TSGA10: variants seen among roughly 807,000 people sequenced by gnomAD.
TSGA10 encodes testis-specific gene 10 protein.
Under a neutral mutation model 96.6 loss-of-function variants are expected in TSGA10, and 43 were observed. That is an observed-to-expected ratio of 0.44 (90% confidence interval 0.35 to 0.57). The LOEUF (loss-of-function observed/expected upper bound fraction) is 0.57, where lower values mean the gene tolerates loss of function less well. TSGA10 is among the 20% of genes least tolerant of loss of function. TSGA10 has a pLI of 0.01. For missense variants in TSGA10, 703 were observed against 834.4 expected (o/e 0.84, Z 1.94); for synonymous variants, 229 against 269.9 (o/e 0.85, Z 1.48).
At chr2:99,111,659 T>C (rs1403666179) in intron 4 of TSGA10, among the ~76,000 whole-genome samples, 1 of 152,172 alleles carries the variant, frequency 6.6e-6, no homozygotes, top group Non-Finnish European at 1.5e-5. Flanking sequence ...TTTAAGTTTA[T>C]GAAATATTAA....
chr2:99,134,571 C>T (rs2105052916), intron 1 of TSGA10, among the ~76,000 whole-genome samples: 1 of 152,236 alleles, frequency 6.6e-6, no homozygotes, highest in Non-Finnish European at 1.5e-5. Context: ...CTTCTGAAGC[C>T]TACTTCTGTC....
intron 10 of TSGA10, among the ~76,000 whole-genome samples, chr2:99,085,420 C>T (rs1279040843): frequency 1.3e-5 from 2 of 151,552 alleles, no homozygotes; most frequent in Admixed American, 1.3e-4. Context: ...GCCTGGGCAA[C>T]ATAGGAAGAC....
At chr2:99,146,101 G>A (rs1484285779) in intron 1 of TSGA10, among the ~76,000 whole-genome samples, 1 of 152,186 alleles carries the variant, frequency 6.6e-6, no homozygotes, top group Non-Finnish European at 1.5e-5. Flanking sequence ...TGGCCAACAT[G>A]GCGAAACATC....
At chr2:99,022,691 T>C (rs1481421918) in intron 17 of TSGA10, among the ~76,000 whole-genome samples, 1 of 152,234 alleles carries the variant, frequency 6.6e-6, no homozygotes, top group Non-Finnish European at 1.5e-5. Context: ...TTTTCATTCC[T>C]CTTGAATAGA....
chr2:99,134,122 T>TGTTGGCCTGCCTTGCTTG (rs1559122631), intron 1 of TSGA10, among the ~76,000 whole-genome samples: 2 of 152,176 alleles, frequency 1.3e-5, no homozygotes, highest in African/African-American at 4.8e-5. Context: ...TGAATTGGAA[T>TGTTGGCCTGCCTTGCTTG]GTTGGCCTGC....
At chr2:99,141,241 G>T in intron 1 of TSGA10, 1 of 951,962 alleles carries the variant, frequency 1.1e-6, no homozygotes, top group Non-Finnish European at 1.3e-6. Flanking sequence ...AATCGTCCTG[G>T]CCCCGCCCCG....
chr2:99,087,235 G>A (rs151043716), intron 10 of TSGA10, among the ~76,000 whole-genome samples: 13 of 151,396 alleles, frequency 8.6e-5, no homozygotes, highest in South Asian at 8.4e-4. Flanking sequence ...GGCCAGGCAC[G>A]GTAGCTAATG....
intron 16 of TSGA10, among the ~76,000 whole-genome samples, chr2:99,047,942 G>T (rs1167726483): frequency 6.6e-6 from 1 of 152,026 alleles, no homozygotes; most frequent in Non-Finnish European, 1.5e-5. Flanking sequence ...CAAACTGAGG[G>T]CTAAATCATG....
intron 12 of TSGA10, among the ~76,000 whole-genome samples, chr2:99,073,710 G>A (rs2086254030): frequency 6.6e-6 from 1 of 152,096 alleles, no homozygotes; most frequent in Admixed American, 6.6e-5. Flanking sequence ...GGCGTGATGA[G>A]GGAGTAGAAG....
intron 1 of TSGA10, among the ~76,000 whole-genome samples, chr2:99,145,212 C>T (rs2093619908): frequency 6.6e-6 from 1 of 152,114 alleles, no homozygotes; most frequent in Non-Finnish European, 1.5e-5. Context: ...CAGTCAAGTC[C>T]TCCTCACATT....
intron 16 of TSGA10, among the ~76,000 whole-genome samples, chr2:99,047,051 T>C (rs2082854821): frequency 6.6e-6 from 1 of 152,050 alleles, no homozygotes; most frequent in Non-Finnish European, 1.5e-5. Flanking sequence ...AATAGACAAA[T>C]AACAGGCTCT....
At chr2:99,089,983 A>G (rs1171395430) in intron 10 of TSGA10, among the ~76,000 whole-genome samples, 1 of 152,104 alleles carries the variant, frequency 6.6e-6, no homozygotes, top group Non-Finnish European at 1.5e-5. Context: ...CAACAATAAT[A>G]CAACCAAGGA....
chr2:99,149,433 C>T (rs1264853815), intron 1 of TSGA10, among the ~76,000 whole-genome samples: 1 of 146,590 alleles, frequency 6.8e-6, no homozygotes, highest in Non-Finnish European at 1.5e-5. Flanking sequence ...CTCCATGCTA[C>T]ATGATCATCT....
intron 16 of TSGA10, among the ~76,000 whole-genome samples, chr2:99,056,239 C>A (rs1007395985): frequency 6.6e-6 from 1 of 151,634 alleles, no homozygotes; most frequent in Non-Finnish European, 1.5e-5. Flanking sequence ...GTCAACACAA[C>A]CAAGTAACCA....
intron 20 of TSGA10, among the ~76,000 whole-genome samples, chr2:99,015,684 A>G (rs1319594061): frequency 1.3e-5 from 2 of 152,140 alleles, no homozygotes; most frequent in Non-Finnish European, 2.9e-5. Context: ...AAGGGCACCT[A>G]AATCAGTAGA....
At chr2:99,148,991 AT>A (rs1159933119) in intron 1 of TSGA10, among the ~76,000 whole-genome samples, 4 of 151,976 alleles carry the variant, frequency 2.6e-5, no homozygotes, top group Non-Finnish European at 5.9e-5. Flanking sequence ...TGGAAAAAAA[AT>A]AAATAAAAAT....
intron 10 of TSGA10, among the ~76,000 whole-genome samples, chr2:99,101,281 A>G (rs990457238): frequency 2.7e-5 from 4 of 150,146 alleles, no homozygotes; most frequent in Non-Finnish European, 5.9e-5. Context: ...AGCATAAATC[A>G]AATGGGAAAG....
chr2:99,093,427 G>A (rs1384447767), intron 10 of TSGA10, among the ~76,000 whole-genome samples: 1 of 151,866 alleles, frequency 6.6e-6, no homozygotes, highest in Non-Finnish European at 1.5e-5. Context: ...GAGAAGTAAA[G>A]GGCATCCAAA....
At chr2:99,132,788 A>G (rs886215128) in intron 1 of TSGA10, among the ~76,000 whole-genome samples, 4 of 152,180 alleles carry the variant, frequency 2.6e-5, no homozygotes, top group African/African-American at 9.7e-5. Context: ...GCTGTGTCCC[A>G]GAGATTCTGG....
Sources: allele counts gnomAD v4.1 joint callset (sites outside exome capture counted in the v4.1 genomes callset), GRCh38; gene constraint gnomAD v4.1.1; transcripts MANE v1.5; gene names NCBI Gene and HGNC (gene_info 2026-07-23, HGNC 2026-07-21).